The following ERBB4 variants were observed in gnomAD, a reference collection of about 807,000 sequenced individuals.
The protein encoded by ERBB4 is receptor tyrosine-protein kinase erbB-4.
Under a neutral mutation model 158.0 loss-of-function variants are expected in ERBB4, and 42 were observed. That is an observed-to-expected ratio of 0.27 (90% CI 0.21 to 0.34). The LOEUF (loss-of-function observed/expected upper bound fraction) is 0.34, where lower values mean the gene tolerates loss of function less well. Among genes scored for constraint, ERBB4 ranks in the 10% least tolerant of loss-of-function variants. The pLI is 1.00. For missense variants in ERBB4, 1,333 were observed against 1,624.1 expected, an observed-to-expected ratio of 0.82 and a Z score of 3.08; for synonymous variants, 583 against 558.7, an observed-to-expected ratio of 1.04 and a Z score of -0.61.
intron 3 of ERBB4, among the ~76,000 whole-genome samples, chr2:211,939,774 C>T (rs2080434309): frequency 6.6e-6 from 1 of 151,838 alleles, no homozygotes; most frequent in Admixed American, 6.6e-5. Context: ...GGTGAAATCC[C>T]ATCTCTAATA....
At position 211,594,937 on chromosome 2, in the gene ERBB4, T is replaced by C. The variant is rs528772966; in HGVS notation, c.2301+24240A>G. On this transcript the variant is annotated intron_variant, in intron 19 of 27. Coordinates refer to ENST00000342788, the MANE Select transcript of ERBB4 (RefSeq NM_005235.3). The stretch of plus-strand genomic sequence containing the variant: ...CATTATAAAGGGTGTGGCAGTCGTA[T>C]GTCTACATAAATATATCCAATCTAT... Among the ~76,000 whole-genome samples, 4 of 152,342 alleles carry C rather than the reference T, an allele frequency of 2.6e-5. No homozygotes were observed. In the East Asian group the frequency reaches 7.7e-4, roughly 29 times the overall value.
chr2:212,535,305 A>C (rs932977282), intron 1 of ERBB4, among the ~76,000 whole-genome samples: 2 of 152,150 alleles, frequency 1.3e-5, no homozygotes, highest in Admixed American at 6.5e-5. Flanking sequence ...TGCTTACAGT[A>C]AACACTTGTA....
intron 1 of ERBB4, among the ~76,000 whole-genome samples, chr2:212,420,323 C>T (rs1161107136): frequency 2.6e-5 from 4 of 151,976 alleles, no homozygotes; most frequent in Non-Finnish European, 1.5e-5. Flanking sequence ...ATGCTATAGC[C>T]AGCCCACAGT....
chr2:212,272,636 T>C (rs2085384708), intron 1 of ERBB4, among the ~76,000 whole-genome samples: 1 of 151,804 alleles, frequency 6.6e-6, no homozygotes, highest in African/African-American at 2.4e-5. Context: ...TAGGAATACA[T>C]AGTTTGACTG....
chr2:211,455,929 C>T (rs2064370356), intron 20 of ERBB4, among the ~76,000 whole-genome samples: 1 of 152,166 alleles, frequency 6.6e-6, no homozygotes, highest in South Asian at 2.1e-4. Context: ...CCAGAAGTCT[C>T]AGCCAGTTCA....
chr2:211,417,984 G>A (rs1446235997), intron 25 of ERBB4, among the ~76,000 whole-genome samples: 1 of 151,944 alleles, frequency 6.6e-6, no homozygotes, highest in Admixed American at 6.6e-5. Flanking sequence ...AGGCAATATA[G>A]CATTTAGAAA....
intron 2 of ERBB4, among the ~76,000 whole-genome samples, chr2:212,078,890 GCT>G (rs1259848903): frequency 6.6e-6 from 1 of 150,676 alleles, no homozygotes; most frequent in Non-Finnish European, 1.5e-5. Context: ...TAATATTAAT[GCT>G]AATATTATTA....
At chr2:211,624,536 T>C (rs1431769201) in intron 17 of ERBB4, among the ~76,000 whole-genome samples, 2 of 152,170 alleles carry the variant, frequency 1.3e-5, no homozygotes, top group Admixed American at 6.5e-5. Flanking sequence ...CCTGAAATGT[T>C]TGCATTTGCA....
At chr2:212,446,995 CTTT>C (rs771259936) in intron 1 of ERBB4, among the ~76,000 whole-genome samples, 2 of 136,600 alleles carry the variant, frequency 1.5e-5, no homozygotes, top group Non-Finnish European at 3.2e-5. Flanking sequence ...CCAAATTTTT[CTTT>C]TTTTTTTTTT....
At chr2:212,089,221 C>T (rs892485667) in intron 2 of ERBB4, among the ~76,000 whole-genome samples, 1 of 151,980 alleles carries the variant, frequency 6.6e-6, no homozygotes, top group Non-Finnish European at 1.5e-5. Context: ...AATATATAAG[C>T]TTAATGAATT....
At chr2:212,166,507 C>A (rs2081350622) in intron 1 of ERBB4, among the ~76,000 whole-genome samples, 1 of 151,774 alleles carries the variant, frequency 6.6e-6, no homozygotes, top group Non-Finnish European at 1.5e-5. Flanking sequence ...AATGGTTATA[C>A]TGCCCAAAGT....
chr2:211,692,791 T>C (rs1012702279), intron 12 of ERBB4, among the ~76,000 whole-genome samples: 3 of 152,188 alleles, frequency 2.0e-5, no homozygotes, highest in African/African-American at 7.2e-5. Flanking sequence ...CTTTTTACCA[T>C]ATAACATTCA....
At chr2:211,635,018 C>A (rs1053420970) in intron 16 of ERBB4, among the ~76,000 whole-genome samples, 27 of 152,238 alleles carry the variant, frequency 1.8e-4, no homozygotes, top group Non-Finnish European at 2.4e-4. Flanking sequence ...ATAAGAGGCT[C>A]AGTTGACACT....
At chr2:211,777,570 C>G (rs1011550582) in intron 4 of ERBB4, 12 of 152,058 alleles carry the variant, frequency 7.9e-5, no homozygotes, top group African/African-American at 2.9e-4. Context: ...TTCTACTATC[C>G]CTACGAGGTT....
chr2:212,403,939 A>G (rs2091277098), intron 1 of ERBB4, among the ~76,000 whole-genome samples: 1 of 152,012 alleles, frequency 6.6e-6, no homozygotes, highest in Non-Finnish European at 1.5e-5. Flanking sequence ...GCTAGCCATA[A>G]CTTCTCTGAT....
intron 3 of ERBB4, among the ~76,000 whole-genome samples, chr2:211,929,237 G>A (rs1194179079): frequency 5.4e-3 from 49 of 9,136 alleles, no homozygotes; most frequent in Non-Finnish European, 0.013. Flanking sequence ...TGGAATAAGT[G>A]TGTGTGTGTG....
At chr2:211,719,616 G>A (rs2074031066) in intron 7 of ERBB4, among the ~76,000 whole-genome samples, 2 of 152,092 alleles carry the variant, frequency 1.3e-5, no homozygotes, top group Admixed American at 1.3e-4. Flanking sequence ...AGCACTTTGG[G>A]AGGCCGAGGC....
chr2:212,244,214 G>A (rs1353982695), intron 1 of ERBB4, among the ~76,000 whole-genome samples: 2 of 152,068 alleles, frequency 1.3e-5, no homozygotes, highest in Non-Finnish European at 2.9e-5. Context: ...GAGGTATGTG[G>A]AAGAAAATAA....
chr2:212,075,381 G>A (rs1407653424), intron 2 of ERBB4, among the ~76,000 whole-genome samples: 1 of 151,614 alleles, frequency 6.6e-6, no homozygotes, highest in Non-Finnish European at 1.5e-5. Context: ...AATACAGCTT[G>A]GATGAAAAAG....
Sources: allele counts gnomAD v4.1 joint callset (sites outside exome capture counted in the v4.1 genomes callset), GRCh38; gene constraint gnomAD v4.1.1; transcripts MANE v1.5; gene names NCBI Gene and HGNC (gene_info 2026-07-23, HGNC 2026-07-21).